Variants in ADGRL2 observed in about 807,000 individuals in gnomAD.
ADGRL2 encodes the protein adhesion G protein-coupled receptor L2, also known as calcium-independent alpha-latrotoxin receptor 2.
ADGRL2 carries 44 observed loss-of-function variants against 157.4 expected under a neutral mutation model. That is an observed-to-expected ratio of 0.28 (90% CI 0.22 to 0.36). ADGRL2 has a LOEUF of 0.36. Ranked by LOEUF, ADGRL2 falls within the 10% of genes least tolerant of loss-of-function variation. The pLI is 1.00. For synonymous variants in ADGRL2, 585 were observed against 624.7 expected (o/e 0.94, Z 0.95); for missense variants, 1,510 against 1,768.9 (o/e 0.85, Z 2.63).
At chr1:81,563,672 A>G (rs2080496102) in intron 2 of ADGRL2, among the ~76,000 whole-genome samples, 1 of 152,198 alleles carries the variant, frequency 6.6e-6, no homozygotes, top group Non-Finnish European at 1.5e-5. Context: ...ATAAAGTTCA[A>G]GTCTCCTAAC....
chr1:81,675,625 A>C (rs919986429), intron 3 of ADGRL2, among the ~76,000 whole-genome samples: 4 of 149,812 alleles, frequency 2.7e-5, no homozygotes, highest in East Asian at 4.0e-4. Flanking sequence ...TCTGTCACCC[A>C]GGCTGGAGTG....
chr1:81,453,173 G>T (rs1287657623), intron 2 of ADGRL2, among the ~76,000 whole-genome samples: 1 of 152,140 alleles, frequency 6.6e-6, no homozygotes, highest in Non-Finnish European at 1.5e-5. Context: ...AAAAATCTGT[G>T]GGAATTCCAC....
chr1:81,605,316 A>T (rs956359545), intron 3 of ADGRL2, among the ~76,000 whole-genome samples: 3 of 152,208 alleles, frequency 2.0e-5, no homozygotes, highest in African/African-American at 7.2e-5. Context: ...TTTGTGATTT[A>T]TGTGTGGCCA....
chr1:81,458,573 C>A (rs1222923052), intron 2 of ADGRL2, among the ~76,000 whole-genome samples: 1 of 152,230 alleles, frequency 6.6e-6, no homozygotes, highest in Non-Finnish European at 1.5e-5. Context: ...TTCAGCCCAG[C>A]AGGCTACACT....
chr1:81,443,482 T>G (rs1168314173), intron 1 of ADGRL2, among the ~76,000 whole-genome samples: 2 of 151,986 alleles, frequency 1.3e-5, no homozygotes, highest in African/African-American at 2.4e-5. Flanking sequence ...TCATAGGTAG[T>G]CATATCTTGA....
chr1:81,329,305 C>T (rs1022088296), intron 1 of ADGRL2, among the ~76,000 whole-genome samples: 2 of 152,044 alleles, frequency 1.3e-5, no homozygotes, highest in African/African-American at 4.8e-5. Flanking sequence ...ACCAACCAAT[C>T]CAAAGGCTCA....
chr1:81,709,713 C>T (rs1272333311), intron 1 of ADGRL2, among the ~76,000 whole-genome samples: 1 of 152,042 alleles, frequency 6.6e-6, no homozygotes, highest in Non-Finnish European at 1.5e-5. Flanking sequence ...CTCTTCTCCA[C>T]ACTATTAAGA....
chr1:81,555,196 A>G (rs1176242277), intron 2 of ADGRL2, among the ~76,000 whole-genome samples: 4 of 152,012 alleles, frequency 2.6e-5, no homozygotes. Context: ...AAGATCTAGT[A>G]AGAGACTGTA....
At chr1:81,761,417 CATTA>C (rs2149307392) in intron 1 of ADGRL2, among the ~76,000 whole-genome samples, 1 of 151,868 alleles carries the variant, frequency 6.6e-6, no homozygotes, top group African/African-American at 2.4e-5. Flanking sequence ...ATATTAATAG[CATTA>C]ATTATCAGGA....
At chr1:81,747,701 TTGTGTGTGTGTGTGTG>T (rs10556401) in intron 1 of ADGRL2, among the ~76,000 whole-genome samples, 1 of 147,254 alleles carries the variant, frequency 6.8e-6, no homozygotes, top group Non-Finnish European at 1.5e-5. Context: ...CCTTTAATGT[TTGTGTGTGTGTGTGTG>T]TGTGTGTGTG....
At chr1:81,801,529 TC>T (rs1432705341) in intron 1 of ADGRL2, among the ~76,000 whole-genome samples, 8 of 152,302 alleles carry the variant, frequency 5.3e-5, no homozygotes, top group Admixed American at 1.3e-4. Flanking sequence ...GGGGGGCATC[TC>T]CCCTCCGCTG....
intron 2 of ADGRL2, among the ~76,000 whole-genome samples, chr1:81,555,265 C>CTTTTTTTTTTT (rs71666308): frequency 8.6e-6 from 1 of 115,946 alleles, no homozygotes. Flanking sequence ...TATTTCTTTT[C>CTTTTTTTTTTT]TTTTTTTTTT....
chr1:81,980,995 G>T, intron 18 of ADGRL2: 1 of 422,186 alleles, frequency 2.4e-6, no homozygotes, highest in South Asian at 6.3e-5. Context: ...TTTTTTAATT[G>T]CTTGCCTCTG....
intron 3 of ADGRL2, among the ~76,000 whole-genome samples, chr1:81,618,356 T>G (rs2081710014): frequency 6.6e-6 from 1 of 152,188 alleles, no homozygotes; most frequent in African/African-American, 2.4e-5. Flanking sequence ...CCCTATCCAC[T>G]CAGAGGCTTC....
At chr1:81,404,498 G>A (rs2101321631) in intron 1 of ADGRL2, among the ~76,000 whole-genome samples, 1 of 152,238 alleles carries the variant, frequency 6.6e-6, no homozygotes, top group Admixed American at 6.5e-5. Flanking sequence ...GAGGCATAAG[G>A]ATGCTATTGG....
chr1:81,394,921 A>G (rs1455114930), intron 1 of ADGRL2, among the ~76,000 whole-genome samples: 1 of 146,638 alleles, frequency 6.8e-6, no homozygotes, highest in African/African-American at 2.5e-5. Flanking sequence ...ATTTATTTAG[A>G]CGAGTCTTGC....
chr1:81,439,588 G>T lies in ADGRL2; in HGVS notation c.-301-5448G>T, dbSNP rs551369929. Among the ~76,000 whole-genome samples, 3 of 152,366 alleles carry T rather than the reference G, an allele frequency of 2.0e-5. No homozygotes were observed. The East Asian group carries it at 5.8e-4, about 29-fold the overall frequency. On this transcript the variant is annotated intron_variant, in intron 1 of 24. Coordinates refer to the ADGRL2 transcript ENST00000370721. Reference sequence around the variant, plus strand: ...GGCCACTCTGGGTGTCGACACAGATGCAAACTCTGTGCGGGGCCCATGGCC... The same window carrying T: ...GGCCACTCTGGGTGTCGACACAGATTCAAACTCTGTGCGGGGCCCATGGCC...
intron 2 of ADGRL2, among the ~76,000 whole-genome samples, chr1:81,461,244 A>G (rs1169336325): frequency 6.6e-6 from 1 of 151,438 alleles, no homozygotes; most frequent in Non-Finnish European, 1.5e-5. Flanking sequence ...CATACTACCC[A>G]CTGAGCAGTA....
chr1:81,694,570 CTT>C (rs1239328347), intron 3 of ADGRL2, among the ~76,000 whole-genome samples: 1 of 151,878 alleles, frequency 6.6e-6, no homozygotes, highest in African/African-American at 2.4e-5. Flanking sequence ...TTAATAAAAA[CTT>C]AATTAAAACA....
Sources: allele counts gnomAD v4.1 joint callset (sites outside exome capture counted in the v4.1 genomes callset), GRCh38; gene constraint gnomAD v4.1.1; transcripts MANE v1.5; gene names NCBI Gene and HGNC (gene_info 2026-07-23, HGNC 2026-07-21).